The following ARSG variants were observed in gnomAD, a reference collection of about 807,000 sequenced individuals.
ARSG encodes arylsulfatase G.
In ARSG, 37 loss-of-function variants were observed where a neutral mutation model predicts 50.5. The ratio of observed to expected loss-of-function variants is 0.73; its 90% CI spans 0.56 to 0.96. The LOEUF (loss-of-function observed/expected upper bound fraction) is 0.96. Among genes scored for constraint, ARSG ranks in the 50% least tolerant of loss-of-function variants. ARSG has a pLI of 0.00. For synonymous variants in ARSG, 225 were observed against 254.6 expected, an observed-to-expected ratio of 0.88 and a Z score of 1.11; for missense variants, 629 against 675.3, an observed-to-expected ratio of 0.93 and a Z score of 0.76.
chr17:68,403,111 G>T (rs2081550200), intron 11 of ARSG, among the ~76,000 whole-genome samples: 1 of 152,154 alleles, frequency 6.6e-6, no homozygotes, highest in South Asian at 2.1e-4. Context: ...GACTTGAGGG[G>T]TATTAAAAAT....
intron 6 of ARSG, among the ~76,000 whole-genome samples, chr17:68,362,272 C>G (rs1338937016): frequency 6.6e-6 from 1 of 152,064 alleles, no homozygotes; most frequent in Non-Finnish European, 1.5e-5. Context: ...CCGACACCAA[C>G]CTATGTCAGG....
At chr17:68,342,552 G>A (rs1442139093) in intron 2 of ARSG, among the ~76,000 whole-genome samples, 1 of 151,688 alleles carries the variant, frequency 6.6e-6, no homozygotes, top group Non-Finnish European at 1.5e-5. Flanking sequence ...TAGAGACAGG[G>A]TTTCACCATG....
At chr17:68,379,219 C>T (rs1381098098) in intron 8 of ARSG, among the ~76,000 whole-genome samples, 1 of 152,062 alleles carries the variant, frequency 6.6e-6, no homozygotes, top group Non-Finnish European at 1.5e-5. Flanking sequence ...GGACATACTA[C>T]ACTTAGAAAC....
intron 8 of ARSG, among the ~76,000 whole-genome samples, chr17:68,374,850 G>GA (rs11406219): frequency 0.4 from 47,861 of 121,114 alleles, 8,843 homozygotes; most frequent in Admixed American, 0.49. Context: ...GTGAGACTCA[G>GA]AAAAAAAAAA....
rs550123320 is a variant in ARSG, at chr17:68,415,437, A to G, written c.1304-4752A>G. Among the ~76,000 whole-genome samples the G allele has an allele frequency of 6.4e-4, 98 of 152,266 alleles. 1 individual carries two copies. The highest frequency in any genetic ancestry group is 2.2e-3 in the African/African-American group (93 of 41,560). ...TTTATTGAGGCTCATTTTGTGGCCT[A>G]TTGTATGGTCTGTCTTGGAGAAAGT... On this transcript the variant is annotated intron_variant, in intron 11 of 11. Transcript: ENST00000621439.
At chr17:68,331,358 C>T (rs1258887659) in intron 2 of ARSG, among the ~76,000 whole-genome samples, 3 of 151,414 alleles carry the variant, frequency 2.0e-5, no homozygotes, top group African/African-American at 7.3e-5. Flanking sequence ...CATTCTCCTG[C>T]CTCAGCCTCT....
rs2076649820 is a variant in ARSG at position 68,307,497 on chromosome 17, G to T, written c.4G>T (p.Gly2Cys). The T allele has an allele frequency of 3.1e-6, 5 of 1,613,170 alleles. No individual in the cohort carries two copies. In the South Asian group the frequency reaches 5.5e-5, roughly 18 times the overall value. Residue 2 changes from glycine to cysteine, a missense_variant, in exon 2 of 12, where the codon GGC becomes TGC. Physicochemically the swap from Gly to Cys is radical, Grantham distance 159. Transcript: ENST00000621439. MGWLFLKVLLAG... is the reference protein window; with the variant it reads MCWLFLKVLLAG... ...TCGGAATCCTGCCTTCACCACCATG[G>T]GCTGGCTTTTTCTAAAGGTTTTGTT...
downstream of ARSG, chr17:68,421,501 T>C (rs1051057690): frequency 1.1e-5 from 5 of 461,990 alleles, no homozygotes; most frequent in Non-Finnish European, 7.9e-6. Flanking sequence ...ATTCCGGTTA[T>C]ATACCAATAT....
chr17:68,394,327 C>T (rs78925603), intron 9 of ARSG, among the ~76,000 whole-genome samples: 225 of 152,054 alleles, frequency 1.5e-3, no homozygotes, highest in African/African-American at 5.1e-3. Flanking sequence ...TCTGATCGGG[C>T]GCAGTGGCTC....
chr17:68,373,266 G>A (rs1387889277), intron 8 of ARSG, among the ~76,000 whole-genome samples: 1 of 145,400 alleles, frequency 6.9e-6, no homozygotes, highest in Non-Finnish European at 1.5e-5. Context: ...TTTCACTCTT[G>A]TTCCCTGGGC....
At chr17:68,446,965 A>G in the ARSG span, among the ~76,000 whole-genome samples, 2 of 152,190 alleles carry the variant, frequency 1.3e-5, no homozygotes, top group African/African-American at 2.4e-5. Flanking sequence ...GTGTGAGAGC[A>G]TGCTTCTGGG....
At chr17:68,338,806 T>C (rs551697524) in intron 2 of ARSG, among the ~76,000 whole-genome samples, 3 of 152,324 alleles carry the variant, frequency 2.0e-5, no homozygotes, top group South Asian at 2.1e-4. Context: ...AACTATTCGT[T>C]GTAAAATGGA....
At chr17:68,329,870 G>C (rs181373451) in intron 2 of ARSG, among the ~76,000 whole-genome samples, 5 of 152,268 alleles carry the variant, frequency 3.3e-5, no homozygotes, top group Admixed American at 3.3e-4. Context: ...GTGTTGGGCC[G>C]CATTCAAGCT....
In ARSG at chr17:68,271,073, G is replaced by A; in HGVS notation, c.-552+11647G>A. On this transcript the variant is annotated intron_variant, in intron 1 of 11. Transcript: ENST00000448504. The surrounding 1 kb of genome is among the most constrained non-coding windows in gnomAD (Gnocchi z 5.3). ...ACAGTCAATAAGATGACGCAGATGA[G>A]CTCAATGTAAATCTTACGAATGGGC... 1 of 1,614,190 alleles carries A rather than the reference G, an allele frequency of 6.2e-7. No homozygotes were observed. Among genetic ancestry groups the A allele is most frequent in the Middle Eastern group, 1.6e-4 (1 of 6,062 alleles).
intron 4 of ARSG, among the ~76,000 whole-genome samples, chr17:68,350,074 G>T (rs2078690119): frequency 6.6e-6 from 1 of 152,194 alleles, no homozygotes; most frequent in African/African-American, 2.4e-5. Flanking sequence ...GCGGGATGCA[G>T]TGAAGAGCAG....
chr17:68,304,722 G>T (rs1181460220), intron 1 of ARSG, among the ~76,000 whole-genome samples: 2 of 152,158 alleles, frequency 1.3e-5, no homozygotes, highest in African/African-American at 2.4e-5. Flanking sequence ...TACAGATAAG[G>T]TCTCACTATG....
chr17:68,280,404 A>C (rs1037356415), intron 1 of ARSG, among the ~76,000 whole-genome samples: 1 of 152,184 alleles, frequency 6.6e-6, no homozygotes, highest in Admixed American at 6.5e-5. Context: ...ACAACACAAC[A>C]GTAATCAAAA....
At chr17:68,315,438 G>A (rs1555768144) in intron 2 of ARSG, among the ~76,000 whole-genome samples, 2 of 152,056 alleles carry the variant, frequency 1.3e-5, no homozygotes, top group African/African-American at 4.8e-5. Context: ...GAGTCAGGAG[G>A]ATTGCTTGAG....
chr17:68,386,840 T>G (rs1329403638), intron 9 of ARSG, among the ~76,000 whole-genome samples: 1 of 152,058 alleles, frequency 6.6e-6, no homozygotes, highest in African/African-American at 2.4e-5. Flanking sequence ...ATAATAAAAC[T>G]GCCTCATCTC....
Sources: allele counts gnomAD v4.1 joint callset (sites outside exome capture counted in the v4.1 genomes callset), GRCh38; gene constraint gnomAD v4.1.1; non-coding constraint Gnocchi (gnomAD v3.1); transcripts MANE v1.5; gene names NCBI Gene and HGNC (gene_info 2026-07-23, HGNC 2026-07-21).